STS: variants seen among roughly 807,000 people sequenced by gnomAD.
The protein encoded by STS is steroid sulfatase, also known as steryl-sulfatase.
In STS, 7 loss-of-function variants were observed where a neutral mutation model predicts 26.8. The ratio of observed to expected loss-of-function variants is 0.26; its 90% CI spans 0.15 to 0.49. STS has a LOEUF of 0.49. STS is among the 20% of genes least tolerant of loss of function. The pLI, the probability that STS is intolerant of heterozygous loss-of-function variation, is 0.98. For synonymous variants in STS, 199 were observed against 189.4 expected, an observed-to-expected ratio of 1.05 and a Z score of -0.42; for missense variants, 434 against 465.6, an observed-to-expected ratio of 0.93 and a Z score of 0.63.
chrX:7,282,564 C>T (rs1312549654), intron 7 of STS, among the ~76,000 whole-genome samples: 2 of 112,061 alleles, frequency 1.8e-5, no homozygotes, highest in Non-Finnish European at 3.8e-5. Context: ...TAGATCTGGA[C>T]GAGGGAAGTC....
At chrX:7,195,137 A>G (rs965189240) in intron 2 of STS, among the ~76,000 whole-genome samples, 6 of 112,143 alleles carry the variant, frequency 5.4e-5, no homozygotes, top group African/African-American at 1.9e-4. Flanking sequence ...ATAAGTGTGG[A>G]GGCCGCAATG....
chrX:7,152,098 A>G (rs778147957), intron 1 of STS, among the ~76,000 whole-genome samples: 6 of 105,207 alleles, frequency 5.7e-5, no homozygotes, highest in East Asian at 3.0e-4. Context: ...GACTACAGGC[A>G]CCCGCCACTA....
intron 8 of STS, among the ~76,000 whole-genome samples, chrX:7,312,614 A>G (rs928151053): frequency 1.8e-5 from 2 of 111,084 alleles, no homozygotes; most frequent in Non-Finnish European, 3.8e-5. Context: ...TTCTCGTGAT[A>G]ATGAATAAGT....
At chrX:7,213,322 G>A (rs1467677144) in intron 2 of STS, among the ~76,000 whole-genome samples, 3 of 112,167 alleles carry the variant, frequency 2.7e-5, no homozygotes, top group Non-Finnish European at 3.8e-5. Flanking sequence ...TAAATCCTAT[G>A]TACTGACAAG....
At chrX:7,158,471 T>G (rs1165133090) in intron 1 of STS, among the ~76,000 whole-genome samples, 7 of 111,863 alleles carry the variant, frequency 6.3e-5, no homozygotes, top group Admixed American at 1.9e-4. Flanking sequence ...CTGTCCTGGC[T>G]TCCAAGAACT....
At chrX:7,329,222 T>A (rs1490476434) in intron 9 of STS, among the ~76,000 whole-genome samples, 1 of 112,267 alleles carries the variant, frequency 8.9e-6, no homozygotes, top group African/African-American at 3.2e-5. Flanking sequence ...CAGAAGACTT[T>A]GAATATCTAA....
chrX:7,289,057 T>A (rs1925284216), intron 7 of STS, among the ~76,000 whole-genome samples: 1 of 111,677 alleles, frequency 9.0e-6, no homozygotes, highest in Non-Finnish European at 1.9e-5. Context: ...CATGAGGTCC[T>A]CATGGTGGTC....
At chrX:7,276,218 A>T (rs1236259643) in intron 7 of STS, 131 bp downstream of exon 7, 2 of 860,477 alleles carry the variant, frequency 2.3e-6, no homozygotes, top group Non-Finnish European at 3.3e-6. Context: ...TTTTGAAAGT[A>T]ACCAAAAATG....
At chrX:7,345,516 C>T (rs1381602348) in intron 10 of STS, among the ~76,000 whole-genome samples, 1 of 111,153 alleles carries the variant, frequency 9.0e-6, no homozygotes, top group Non-Finnish European at 1.9e-5. Flanking sequence ...TCCTTCAGAT[C>T]TCCAGTAAAC....
At chrX:7,300,358 A>G (rs1314139984) in intron 7 of STS, among the ~76,000 whole-genome samples, 1 of 112,169 alleles carries the variant, frequency 8.9e-6, no homozygotes, top group East Asian at 2.8e-4. Flanking sequence ...AATCAGTGTC[A>G]TTATATCTTG....
intron 7 of STS, among the ~76,000 whole-genome samples, chrX:7,304,587 A>G (rs1489903771): frequency 8.9e-6 from 1 of 112,025 alleles, no homozygotes; most frequent in Non-Finnish European, 1.9e-5. Flanking sequence ...TAAAATATCT[A>G]TATACATATT....
rs1043549396 is a variant in STS, at chrX:7,316,129, C to T, written c.1082-9210C>T. ...ACCCCAGTCAGGACATGGTTAGCTT[C>T]GCATTCCAGAGTAAGATGTATTTTT... On this transcript the variant is annotated intron_variant, in intron 8 of 10. Transcript: ENST00000674429. 1.2e-4 allele frequency among the ~76,000 whole-genome samples: 13 copies of T among 111,721 alleles called. 1 individual carries two copies. The highest frequency in any genetic ancestry group is 7.6e-4 in the Admixed American group (8 of 10,505).
At chrX:7,200,615 T>C (rs1245168807) in intron 2 of STS, among the ~76,000 whole-genome samples, 2 of 111,366 alleles carry the variant, frequency 1.8e-5, no homozygotes, top group Non-Finnish European at 3.8e-5. Flanking sequence ...CGTTTGTGTG[T>C]TCAGTGACGG....
intron 2 of STS, among the ~76,000 whole-genome samples, chrX:7,228,530 C>T (rs1320032669): frequency 8.9e-6 from 1 of 111,806 alleles, no homozygotes; most frequent in Non-Finnish European, 1.9e-5. Flanking sequence ...ATGTGTTCTT[C>T]GGAGAAATGT....
intron 10 of STS, among the ~76,000 whole-genome samples, chrX:7,345,029 G>A (rs1235777096): frequency 9.0e-6 from 1 of 111,038 alleles, no homozygotes; most frequent in Admixed American, 9.6e-5. Context: ...GATGTGAGAG[G>A]CTTGCGTCAC....
intron 2 of STS, among the ~76,000 whole-genome samples, chrX:7,236,124 T>G (rs1922300612): frequency 8.9e-6 from 1 of 112,057 alleles, no homozygotes; most frequent in Non-Finnish European, 1.9e-5. Context: ...CTAGATTATT[T>G]ATGAAAACTG....
intron 6 of STS, among the ~76,000 whole-genome samples, chrX:7,272,577 A>C (rs1284911519): frequency 8.9e-6 from 1 of 112,138 alleles, no homozygotes; most frequent in African/African-American, 3.2e-5. Flanking sequence ...ACCATATGCA[A>C]CATAAACCAT....
intron 2 of STS, among the ~76,000 whole-genome samples, chrX:7,229,096 A>G (rs1225093454): frequency 8.9e-6 from 1 of 112,515 alleles, no homozygotes; most frequent in Non-Finnish European, 1.9e-5. Flanking sequence ...TAACATTTGC[A>G]TACCTCCTGC....
At chrX:7,219,315 C>A in intron 2 of STS, 1 of 744,593 alleles carries the variant, frequency 1.3e-6, no homozygotes. Flanking sequence ...ATTGTGTCTG[C>A]ATTTATCTTT....
Sources: allele counts gnomAD v4.1 joint callset (sites outside exome capture counted in the v4.1 genomes callset), GRCh38; gene constraint gnomAD v4.1.1; transcripts MANE v1.5; gene names NCBI Gene and HGNC (gene_info 2026-07-23, HGNC 2026-07-21).